The following MYO9A variants were observed in gnomAD, a reference collection of about 807,000 sequenced individuals.
The protein encoded by MYO9A is myosin IXA.
MYO9A carries 103 observed loss-of-function variants against 293.3 expected under a neutral mutation model. The observed-to-expected ratio is 0.35, with a 90% CI of 0.30 to 0.41. The LOEUF (loss-of-function observed/expected upper bound fraction) is 0.41, where lower values mean the gene tolerates loss of function less well. Ranked by LOEUF, MYO9A falls within the 10% of genes least tolerant of loss-of-function variation. The probability of loss-of-function intolerance (pLI) is 1.00; values close to 1 mark genes in which losing one functional copy is unlikely to be tolerated. For missense variants in MYO9A, 2,685 were observed against 3,033.0 expected, an observed-to-expected ratio of 0.89 and a Z score of 2.69; for synonymous variants, 1,001 against 1,035.7, an observed-to-expected ratio of 0.97 and a Z score of 0.64.
chr15:71,834,909 GAA>G (rs1268527728), intron 39 of MYO9A, among the ~76,000 whole-genome samples: 3 of 152,040 alleles, frequency 2.0e-5, no homozygotes, highest in African/African-American at 7.2e-5. Flanking sequence ...TTAAATATAT[GAA>G]AAGTTGGATT....
intron 18 of MYO9A, among the ~76,000 whole-genome samples, chr15:71,928,027 AAT>A (rs1191908867): frequency 0.053 from 573 of 10,740 alleles, 58 homozygotes; most frequent in East Asian, 0.12. Context: ...ATACCTTTCT[AAT>A]ATATATATAT....
chr15:71,888,143 T>G (rs55916507), intron 26 of MYO9A, 27 bp from the exon 27 acceptor site: 14,168 of 1,299,416 alleles, frequency 0.011, 133 homozygotes, highest in African/African-American at 0.027. Context: ...TGTGAAAGAT[T>G]TAATGCCAAG....
chr15:72,105,165 G>GA (rs2080523189), intron 1 of MYO9A, among the ~76,000 whole-genome samples: 1 of 152,078 alleles, frequency 6.6e-6, no homozygotes, highest in Non-Finnish European at 1.5e-5. Context: ...GACTCTTCTG[G>GA]AAAAAATCAG....
chr15:71,846,994 A>G (rs1267861696), intron 39 of MYO9A, among the ~76,000 whole-genome samples: 1 of 152,254 alleles, frequency 6.6e-6, no homozygotes, highest in African/African-American at 2.4e-5. Flanking sequence ...AATAAGCATT[A>G]CTAATGATAG....
At chr15:72,039,666 T>A (rs34481625) in intron 2 of MYO9A, among the ~76,000 whole-genome samples, 2,066 of 151,956 alleles carry the variant, frequency 0.014, 25 homozygotes, top group East Asian at 0.025. Context: ...CCATCTCTAC[T>A]AAAGACACAA....
chr15:72,107,339 A>T (rs2080605402), intron 1 of MYO9A, among the ~76,000 whole-genome samples: 1 of 152,170 alleles, frequency 6.6e-6, no homozygotes, highest in Non-Finnish European at 1.5e-5. Flanking sequence ...ACCTGAGGTC[A>T]GGAGTCCCAG....
chr15:71,888,291 G>A (rs1341082338), intron 26 of MYO9A, 175 bp from the exon 27 acceptor site: 6 of 370,030 alleles, frequency 1.6e-5, no homozygotes, highest in Non-Finnish European at 2.9e-5. Flanking sequence ...AAAGTAATCT[G>A]AAATAAAGAT....
intron 1 of MYO9A, among the ~76,000 whole-genome samples, chr15:72,075,375 A>T (rs1435377806): frequency 6.6e-6 from 1 of 152,176 alleles, no homozygotes; most frequent in Non-Finnish European, 1.5e-5. Flanking sequence ...TAACCCACGG[A>T]TGATGCAGAT....
At chr15:71,944,402 C>G (rs758230892) in intron 15 of MYO9A, among the ~76,000 whole-genome samples, 10 of 152,102 alleles carry the variant, frequency 6.6e-5, no homozygotes, top group Non-Finnish European at 1.0e-4. Context: ...TATGTCTCAT[C>G]TAAGAAACTT....
chr15:72,086,758 G>T (rs7173799), intron 1 of MYO9A, among the ~76,000 whole-genome samples: 10 of 150,778 alleles, frequency 6.6e-5, no homozygotes, highest in East Asian at 2.0e-4. Flanking sequence ...TGTTTTTTTT[G>T]TTGTTTTTGT....
At chr15:71,841,049 A>G (rs2055141037) in intron 39 of MYO9A, among the ~76,000 whole-genome samples, 1 of 152,336 alleles carries the variant, frequency 6.6e-6, no homozygotes, top group Admixed American at 6.5e-5. Context: ...TTCTTCCATC[A>G]TATCATCCAA....
chr15:72,065,881 T>G (rs2079007559), intron 1 of MYO9A, among the ~76,000 whole-genome samples: 1 of 152,230 alleles, frequency 6.6e-6, no homozygotes, highest in Non-Finnish European at 1.5e-5. Flanking sequence ...TTCAAAAATA[T>G]TCACTTCTTA....
chr15:71,991,384 C>G (rs1242999059), intron 10 of MYO9A, 147 bp from the exon 11 acceptor site: 1 of 511,832 alleles, frequency 2.0e-6, no homozygotes, highest in East Asian at 3.4e-5. Flanking sequence ...CATATCATGA[C>G]TTAAAAGTAT....
chr15:72,065,081 G>T (rs1034825455), intron 1 of MYO9A, among the ~76,000 whole-genome samples: 11 of 152,082 alleles, frequency 7.2e-5, no homozygotes, highest in African/African-American at 2.7e-4. Context: ...TCAGTATGGG[G>T]GAAGGAAAGG....
chr15:72,115,279 T>G lies in MYO9A; in HGVS notation c.-72+2401A>C, dbSNP rs140505804. Among the ~76,000 whole-genome samples, 187 of 152,338 alleles carry G rather than the reference T, an allele frequency of 1.2e-3. 1 individual carries two copies. Among genetic ancestry groups the G allele is most frequent in the African/African-American group, 4.3e-3 (179 of 41,564 alleles). ...ATTTTGCCTCCAAAATCTACTGCTA[T>G]CAACCCAGAACCTGATACTGAGCTT... On this transcript the variant is annotated intron_variant, in intron 1 of 41. Transcript: ENST00000356056.
chr15:71,842,993 CCT>C (rs2055229278), intron 39 of MYO9A, among the ~76,000 whole-genome samples: 1 of 151,920 alleles, frequency 6.6e-6, no homozygotes. Context: ...GACCTTTTCC[CCT>C]CTCTGCTCTG....
chr15:71,994,064 CAA>C (rs2076624774), intron 10 of MYO9A, among the ~76,000 whole-genome samples: 1 of 150,166 alleles, frequency 6.7e-6, no homozygotes, highest in African/African-American at 2.4e-5. Flanking sequence ...AACAATAAAA[CAA>C]AATCTATTTT....
At chr15:71,962,470 C>T (rs1323835072) in intron 13 of MYO9A, among the ~76,000 whole-genome samples, 1 of 152,162 alleles carries the variant, frequency 6.6e-6, no homozygotes, top group Non-Finnish European at 1.5e-5. Flanking sequence ...CTTGTCCTTA[C>T]ATACCCTTAG....
At chr15:72,110,137 A>G (rs1567051747) in intron 1 of MYO9A, among the ~76,000 whole-genome samples, 1 of 151,512 alleles carries the variant, frequency 6.6e-6, no homozygotes, top group African/African-American at 2.4e-5. Flanking sequence ...CAAGAAAAAA[A>G]CAAAAAGGAA....
Sources: gnomAD v4.1 joint callset for allele counts (sites outside exome capture counted in the v4.1 genomes callset) on GRCh38, gnomAD v4.1.1 for gene constraint, MANE v1.5 for transcripts, NCBI Gene and HGNC (gene_info 2026-07-23, HGNC 2026-07-21) for gene names.